ZNF566: variants seen among roughly 807,000 people sequenced by gnomAD.
The protein encoded by ZNF566 is zinc finger protein 566.
A neutral mutation model predicts 32.8 loss-of-function variants in ZNF566; 27 were observed. The ratio of observed to expected loss-of-function variants is 0.82; its 90% CI spans 0.61 to 1.14. ZNF566 has a LOEUF of 1.14. Among genes scored for constraint, ZNF566 ranks in the 50% most tolerant of loss-of-function variants. The pLI is 0.00. For synonymous variants in ZNF566, 154 were observed against 159.5 expected, an observed-to-expected ratio of 0.97 and a Z score of 0.26; for missense variants, 402 against 490.4, an observed-to-expected ratio of 0.82 and a Z score of 1.70.
intron 1 of ZNF566, among the ~76,000 whole-genome samples, chr19:36,477,492 G>A (rs964765835): frequency 6.6e-6 from 1 of 150,522 alleles, no homozygotes; most frequent in African/African-American, 2.5e-5. Flanking sequence ...TTTTAAGTTT[G>A]GATATACCTG....
At chr19:36,468,333 A>G (rs1190257465) in intron 4 of ZNF566, among the ~76,000 whole-genome samples, 1 of 151,610 alleles carries the variant, frequency 6.6e-6, no homozygotes, top group Non-Finnish European at 1.5e-5. Context: ...CGGCTGGGTG[A>G]AGTGGCTTGC....
rs564126243 is a variant in ZNF566, at chr19:36,467,063, C to T, written c.232+5848G>A. Among the ~76,000 whole-genome samples the T allele has an allele frequency of 1.0e-3, 144 of 143,576 alleles. 7 individuals carry two copies. Among genetic ancestry groups the T allele is most frequent in the African/African-American group, 3.1e-3 (120 of 38,176 alleles). 94.2% of individuals were successfully genotyped at this position (143,576 alleles called of 152,430 possible). A position where few individuals can be genotyped will look rare whatever the true frequency, so the allele number is the denominator to read the frequency against. On this transcript the variant is annotated intron_variant, in intron 4 of 4. Transcript: ENST00000452939. Reference sequence around the variant, plus strand: ...CACCCTGGGTGACAGAGCGAGACTCCGTCAAAAAAAAAAAAAAAGAAAGAA... The same window carrying T: ...CACCCTGGGTGACAGAGCGAGACTCTGTCAAAAAAAAAAAAAAAGAAAGAA...
intron 4 of ZNF566, among the ~76,000 whole-genome samples, chr19:36,470,923 A>C (rs1762793347): frequency 6.7e-6 from 1 of 148,204 alleles, no homozygotes; most frequent in African/African-American, 2.5e-5. Flanking sequence ...CAAAAACAAA[A>C]ACATGGCCGG....
chr19:36,460,260 T>G (rs1405397041), intron 4 of ZNF566, among the ~76,000 whole-genome samples: 2 of 152,226 alleles, frequency 1.3e-5, no homozygotes, highest in Non-Finnish European at 2.9e-5. Context: ...TGACTCATGT[T>G]GGAATTATCA....
intron 1 of ZNF566, among the ~76,000 whole-genome samples, chr19:36,480,965 C>T (rs575629249): frequency 6.6e-6 from 1 of 151,938 alleles, no homozygotes; most frequent in African/African-American, 2.4e-5. Context: ...ATCGCTTGAA[C>T]CCAGGAGACA....
intron 4 of ZNF566, among the ~76,000 whole-genome samples, chr19:36,462,956 C>CAAAAAAAAAA (rs755283751): frequency 6.2e-4 from 24 of 38,562 alleles, no homozygotes; most frequent in African/African-American, 5.9e-4. Context: ...GACTCTGTCT[C>CAAAAAAAAAA]AAAAAAAAAA....
intron 1 of ZNF566, among the ~76,000 whole-genome samples, chr19:36,482,266 C>T (rs866675628): frequency 2.6e-4 from 39 of 152,258 alleles, no homozygotes; most frequent in Admixed American, 1.4e-3. Context: ...CCACCACGCC[C>T]GGCTAATTTT....
chr19:36,457,922 T>C (rs2033359011), intron 4 of ZNF566, among the ~76,000 whole-genome samples: 1 of 151,712 alleles, frequency 6.6e-6, no homozygotes, highest in Admixed American at 6.6e-5. Context: ...AAAAATCCCC[T>C]CACACCTGTC....
chr19:36,463,691 C>T (rs148996942), intron 4 of ZNF566, among the ~76,000 whole-genome samples: 128 of 150,176 alleles, frequency 8.5e-4, no homozygotes, highest in Admixed American at 5.6e-3. Context: ...AACAGGTGTG[C>T]GCCACCACAC....
intron 1 of ZNF566, among the ~76,000 whole-genome samples, chr19:36,484,344 G>T (rs984068295): frequency 1.3e-5 from 2 of 152,106 alleles, no homozygotes; most frequent in African/African-American, 2.4e-5. Flanking sequence ...CGTCCATAAG[G>T]ACTCAAATAT....
rs966560155 is a variant in ZNF566 at position 36,447,700 on chromosome 19, CAA to C, written c.*1275_*1276del. ...CTTTTTTACTGGGTATATAATGCGA[CAA>C]AAAGAGTATTAGTCGGAATAAAGTC... On this transcript the variant is annotated 3_prime_UTR_variant, in exon 5 of 5. Coordinates refer to ENST00000452939, the MANE Select transcript of ZNF566 (RefSeq NM_001145344.1). 13 of 151,914 alleles carry C rather than the reference CAA, an allele frequency of 8.6e-5. No individual in the cohort carries two copies. Among genetic ancestry groups the C allele is most frequent in the African/African-American group, 3.1e-4 (13 of 41,356 alleles). The allele number at this position is 151,914 out of a possible 1,614,324, so 9.4% of individuals were successfully genotyped here.
intron 4 of ZNF566, among the ~76,000 whole-genome samples, chr19:36,459,664 C>T (rs376567146): frequency 6.6e-6 from 1 of 151,764 alleles, no homozygotes; most frequent in Non-Finnish European, 1.5e-5. Context: ...GCATGCGCCA[C>T]CACGCCCGGC....
At chr19:36,485,662 T>G (rs2034144087) in intron 1 of ZNF566, among the ~76,000 whole-genome samples, 2 of 151,432 alleles carry the variant, frequency 1.3e-5, no homozygotes, top group Admixed American at 6.6e-5. Flanking sequence ...CTCGGGAGGC[T>G]GAGGCAGGAG....
chr19:36,483,728 T>C (rs2034089247), intron 1 of ZNF566, among the ~76,000 whole-genome samples: 2 of 152,138 alleles, frequency 1.3e-5, no homozygotes, highest in Non-Finnish European at 2.9e-5. Flanking sequence ...AGGAGTTTCA[T>C]TGAACAATGA....
chr19:36,449,697 G>C lies in ZNF566; in HGVS notation c.537C>G (p.Thr179=). The change falls in exon 5 of 5, where the codon ACC becomes ACG. Residue 179 remains threonine (T), a synonymous_variant. Coordinates refer to ENST00000452939, the MANE Select transcript of ZNF566 (RefSeq NM_001145344.1). The part of the protein sequence containing the change: ...KFCASKEYRK[T]FRHGSQFATH... The stretch of plus-strand genomic sequence containing the variant: ...TAGCAAACTGTGAGCCATGTCTAAA[G>C]GTTTTCCTATATTCTTTAGATGCAC... The C allele has an allele frequency of 6.2e-7, 1 of 1,614,026 alleles. No homozygotes were observed. Among genetic ancestry groups the C allele is most frequent in the Non-Finnish European group, 8.5e-7 (1 of 1,180,000 alleles).
chr19:36,481,473 GA>G (rs79028574), intron 1 of ZNF566, among the ~76,000 whole-genome samples: 19,831 of 110,774 alleles, frequency 0.18, 1,333 homozygotes, highest in Middle Eastern at 0.2. Flanking sequence ...ACTGTCTCGG[GA>G]AAAAAAAAAA....
At chr19:36,455,284 T>C (rs2033271254) in intron 4 of ZNF566, among the ~76,000 whole-genome samples, 4 of 152,128 alleles carry the variant, frequency 2.6e-5, no homozygotes, top group Admixed American at 6.6e-5. Context: ...GATAAAGGTT[T>C]TTCCCCTAAG....
Position 36,449,064 on chromosome 19 carries a change from A to C in ZNF566, c.1170T>G (p.Thr390=). The C allele has an allele frequency of 6.2e-7, 1 of 1,613,862 alleles. No individual in the cohort carries two copies. The highest frequency in any genetic ancestry group is 8.5e-7 in the Non-Finnish European group (1 of 1,179,874). The change falls in exon 5 of 5, where the codon ACT becomes ACG. Residue 390 remains threonine, a synonymous_variant. Coordinates refer to ENST00000452939, the MANE Select transcript of ZNF566 (RefSeq NM_001145344.1). ...CCCTATATTCATAGGGTTTCTCACT[A>C]GTATGAATTCTATGATGACTAATAA... ...SQLISHHRIH[T]SEKPYEYREC...
chr19:36,457,944 T>C (rs753174119), intron 4 of ZNF566, among the ~76,000 whole-genome samples: 1 of 152,036 alleles, frequency 6.6e-6, no homozygotes, highest in Non-Finnish European at 1.5e-5. Context: ...GAACTGCTAT[T>C]ATCAAAAGGA....
Sources: allele counts gnomAD v4.1 joint callset (sites outside exome capture counted in the v4.1 genomes callset), GRCh38; gene constraint gnomAD v4.1.1; transcripts MANE v1.5; gene names NCBI Gene and HGNC (gene_info 2026-07-23, HGNC 2026-07-21).